APOOL: variants seen among roughly 807,000 people sequenced by gnomAD.
APOOL encodes the protein MICOS complex subunit MIC27.
Under a neutral mutation model 23.1 loss-of-function variants are expected in APOOL, and 12 were observed. The ratio of observed to expected loss-of-function variants is 0.52; its 90% CI spans 0.33 to 0.84. APOOL has a LOEUF of 0.84. APOOL is among the 40% of genes least tolerant of loss of function. The probability of loss-of-function intolerance (pLI) is 0.02; values close to 1 mark genes in which losing one functional copy is unlikely to be tolerated. For missense variants in APOOL, 212 were observed against 199.6 expected, an observed-to-expected ratio of 1.06 and a Z score of -0.37; for synonymous variants, 77 against 69.9, an observed-to-expected ratio of 1.10 and a Z score of -0.51.
chrX:85,077,339 T>A (rs1923897895), intron 8 of APOOL, among the ~76,000 whole-genome samples: 1 of 107,792 alleles, frequency 9.3e-6, no homozygotes, highest in African/African-American at 3.4e-5. Flanking sequence ...TTCCCACCTA[T>A]GAGTGAGGAT....
At chrX:85,063,361 A>G (rs1923312211) in intron 5 of APOOL, among the ~76,000 whole-genome samples, 1 of 110,543 alleles carries the variant, frequency 9.0e-6, no homozygotes, top group Non-Finnish European at 1.9e-5. Context: ...TATTTTTTTT[A>G]TCTTGCCTAA....
chrX:85,070,945 G>T (rs1385617877), intron 6 of APOOL, among the ~76,000 whole-genome samples: 2 of 111,568 alleles, frequency 1.8e-5, no homozygotes, highest in Non-Finnish European at 3.8e-5. Flanking sequence ...AAGGGATAAA[G>T]ATAATTTGGT....
chrX:85,074,030 G>T lies in APOOL; in HGVS notation c.519G>T (p.Gln173His), dbSNP rs761037702. 8 of 1,167,419 alleles carry T rather than the reference G, an allele frequency of 6.9e-6. No homozygotes were observed. In the East Asian group the frequency reaches 2.3e-4, roughly 33 times the overall value. ...CAAAAAAGGTATATGCTACAAGCCA[G>T]CAAATTTTTGGAGCAGTTAAATCAT... Reference protein sequence around the residue: ...VTAKKVYATSQQIFGAVKSLW... With the variant: ...VTAKKVYATSHQIFGAVKSLW... The change falls in exon 7 of 9, where the codon CAG (glutamine) becomes CAT (histidine). Residue 173 changes from glutamine (Q) to histidine (H), a missense_variant. By Grantham distance (24) the Gln-to-His change is conservative (BLOSUM62 0). Coordinates refer to ENST00000373173, the MANE Select transcript of APOOL (RefSeq NM_198450.6).
At chrX:85,070,819 CAA>C (rs58312082) in intron 6 of APOOL, among the ~76,000 whole-genome samples, 4 of 86,722 alleles carry the variant, frequency 4.6e-5, no homozygotes, top group African/African-American at 8.5e-5. Flanking sequence ...CGTATATGTC[CAA>C]AAAAAAAAAA....
chrX:85,015,729 C>T (rs1011407492), intron 1 of APOOL, among the ~76,000 whole-genome samples: 6 of 109,698 alleles, frequency 5.5e-5, no homozygotes, highest in Middle Eastern at 4.7e-3. Flanking sequence ...CCACCACGCA[C>T]GGCTAATTTT....
intron 5 of APOOL, among the ~76,000 whole-genome samples, chrX:85,064,261 C>G (rs1350226169): frequency 9.4e-6 from 1 of 106,301 alleles, no homozygotes; most frequent in Non-Finnish European, 1.9e-5. Context: ...AATCTTCTCT[C>G]TTTTTTTCTT....
intron 5 of APOOL, among the ~76,000 whole-genome samples, chrX:85,060,877 T>C (rs755918454): frequency 9.0e-6 from 1 of 111,206 alleles, no homozygotes; most frequent in South Asian, 3.9e-4. Context: ...TTTATTTCCT[T>C]CTCCTGCCTG....
At chrX:85,058,815 G>A (rs777878306) in intron 5 of APOOL, among the ~76,000 whole-genome samples, 301 of 111,342 alleles carry the variant, frequency 2.7e-3, no homozygotes, top group African/African-American at 9.3e-3. Context: ...GCATTTCTCT[G>A]ATGATCAGTG....
At chrX:85,022,858 C>T (rs1921717521) in intron 1 of APOOL, among the ~76,000 whole-genome samples, 1 of 111,870 alleles carries the variant, frequency 8.9e-6, no homozygotes, top group South Asian at 3.7e-4. Context: ...AAATTTGTTT[C>T]CCAATGTTGG....
In APOOL at chrX:85,092,385, C is replaced by T; in HGVS notation, c.*4707C>T. On this transcript the variant is annotated 3_prime_UTR_variant, in exon 9 of 9. Coordinates refer to ENST00000373173, the MANE Select transcript of APOOL (RefSeq NM_198450.6). ...TGTGTTGGGATGAGTTGTTACAAAG[C>T]CTCTTTCATTCTTCCCATGCCATGT... is the stretch of plus-strand genomic sequence containing the variant. 1 of 1,160,593 alleles carries T rather than the reference C, an allele frequency of 8.6e-7. No homozygotes were observed. The highest frequency in any genetic ancestry group is 1.1e-6 in the Non-Finnish European group (1 of 870,461).
intron 5 of APOOL, among the ~76,000 whole-genome samples, chrX:85,064,340 A>AT (rs745593279): frequency 0.065 from 4,785 of 73,254 alleles, 340 homozygotes; most frequent in African/African-American, 0.19. Flanking sequence ...CAGCTCCTGG[A>AT]TTTTTTTTTT....
intron 5 of APOOL, among the ~76,000 whole-genome samples, chrX:85,063,116 G>A (rs993441690): frequency 2.9e-4 from 32 of 111,100 alleles, no homozygotes; most frequent in African/African-American, 9.2e-4. Flanking sequence ...TTATTCTTTT[G>A]TGGCAATTGT....
chrX:85,059,085 T>A (rs1923086991), intron 5 of APOOL, among the ~76,000 whole-genome samples: 1 of 93,689 alleles, frequency 1.1e-5, no homozygotes, highest in South Asian at 6.0e-4. Flanking sequence ...TGTCCATGTG[T>A]TCTCATTGTT....
At position 85,092,922 on chromosome X, in the gene APOOL, C is replaced by A; in HGVS notation, c.*5244C>A. 1 of 325,178 alleles carries A rather than the reference C, an allele frequency of 3.1e-6. No homozygotes were observed. The highest frequency in any genetic ancestry group is 5.4e-6 in the Non-Finnish European group (1 of 185,736). 26.8% of individuals were successfully genotyped at this position (325,178 alleles called of 1,213,427 possible). On this transcript the variant is annotated 3_prime_UTR_variant, in exon 9 of 9. Coordinates refer to ENST00000373173, the MANE Select transcript of APOOL (RefSeq NM_198450.6). ...TTTTTGAATAAAAATGCTTTCTAAT[C>A]TCCCTCCTTCTTACTTTCCCTTGAT...
chrX:85,020,760 C>A (rs776785714), intron 1 of APOOL, among the ~76,000 whole-genome samples: 1 of 111,696 alleles, frequency 9.0e-6, no homozygotes, highest in African/African-American at 3.3e-5. Flanking sequence ...GGTTCCAGGT[C>A]TGCTCAGTAC....
chrX:85,082,588 A>G lies in APOOL; in HGVS notation c.719-5002A>G, dbSNP rs759456863. 2.7e-5 allele frequency among the ~76,000 whole-genome samples: 3 copies of G among 111,394 alleles called. No homozygotes were observed. In the East Asian group the frequency reaches 8.5e-4, roughly 31 times the overall value. On this transcript the variant is annotated intron_variant, in intron 8 of 8. Coordinates refer to ENST00000373173, the MANE Select transcript of APOOL (RefSeq NM_198450.6). ...GTTGAAAAAAAATCAAAGGGATAATATTTCATAGCAAGTGAAAATGACATG... is the reference window on the plus strand; with the variant it reads ...GTTGAAAAAAAATCAAAGGGATAATGTTTCATAGCAAGTGAAAATGACATG...
chrX:85,055,097 T>C (rs1272371999), intron 4 of APOOL, among the ~76,000 whole-genome samples: 1 of 111,929 alleles, frequency 8.9e-6, no homozygotes, highest in East Asian at 2.8e-4. Flanking sequence ...AATGTTTCCA[T>C]GAAGTTGATG....
intron 1 of APOOL, among the ~76,000 whole-genome samples, chrX:85,013,039 C>A (rs1921343945): frequency 9.0e-6 from 1 of 111,660 alleles, no homozygotes; most frequent in African/African-American, 3.2e-5. Context: ...TGTTCAGTTT[C>A]TGTTTCTTCC....
In APOOL at chrX:85,057,580, A is replaced by G. The variant is rs756698841; in HGVS notation, c.394+1655A>G. On this transcript the variant is annotated intron_variant, in intron 5 of 8. Coordinates refer to ENST00000373173, the MANE Select transcript of APOOL (RefSeq NM_198450.6). Reference sequence around the variant, plus strand: ...ATATATATATATCTCATCTGAATGGATGATATATATATATGTCATCTGAAT... The same window carrying G: ...ATATATATATATCTCATCTGAATGGGTGATATATATATATGTCATCTGAAT... Among the ~76,000 whole-genome samples the G allele has an allele frequency of 7.6e-5, 8 of 105,837 alleles. No homozygotes were observed. The South Asian group carries it at 2.5e-3, about 32-fold the overall frequency. The allele number at this position is 105,837 out of a possible 115,157, so 91.9% of individuals were successfully genotyped here. A position where few individuals can be genotyped will look rare whatever the true frequency, so the allele number is the denominator to read the frequency against.
Sources: allele counts gnomAD v4.1 joint callset (sites outside exome capture counted in the v4.1 genomes callset), GRCh38; gene constraint gnomAD v4.1.1; transcripts MANE v1.5; gene names NCBI Gene and HGNC (gene_info 2026-07-23, HGNC 2026-07-21).